The following ARID4B variants were observed in gnomAD, a reference collection of about 807,000 sequenced individuals.
ARID4B encodes AT-rich interactive domain-containing protein 4B.
ARID4B carries 26 observed loss-of-function variants against 147.5 expected under a neutral mutation model. That is an observed-to-expected ratio of 0.18 (90% confidence interval 0.13 to 0.24). The LOEUF is 0.24. Ranked by LOEUF, ARID4B falls within the 10% of genes least tolerant of loss-of-function variation. The probability of loss-of-function intolerance (pLI) is 1.00; values close to 1 mark genes in which losing one functional copy is unlikely to be tolerated. For missense variants in ARID4B, 1,179 were observed against 1,511.5 expected (o/e 0.78, Z 3.65); for synonymous variants, 512 against 507.9 (o/e 1.01, Z -0.11).
chr1:235,196,853 C>CAAAA (rs34581094), intron 17 of ARID4B, among the ~76,000 whole-genome samples: 9 of 88,538 alleles, frequency 1.0e-4, no homozygotes, highest in African/African-American at 2.3e-4. Context: ...CTCTGTTTCA[C>CAAAA]AAAAAAAAAA....
intron 22 of ARID4B, among the ~76,000 whole-genome samples, chr1:235,173,774 ATATATAT>A (rs1663608053): frequency 1.2e-3 from 26 of 21,028 alleles, no homozygotes; most frequent in African/African-American, 2.1e-3. Flanking sequence ...AAAAAAAAAT[ATATATAT>A]ATATATATAT....
rs559405177 is a variant in ARID4B at position 235,220,375 on chromosome 1, C to T, written c.1334G>A (p.Arg445Lys). 42 of 1,608,186 alleles carry T rather than the reference C, an allele frequency of 2.6e-5. No individual in the cohort carries two copies. The African/African-American group carries it at 5.2e-4, about 20-fold the overall frequency. ...CTTTTCTTCTCTTGGTATTATATTCCTCTCCTCCTCCATCTTTATTTCTTT... is the reference window on the plus strand; with the variant it reads ...CTTTTCTTCTCTTGGTATTATATTCTTCTCCTCCTCCATCTTTATTTCTTT... The part of the protein sequence containing the change: ...EIKEIKMEEE[R>K]NIIPREEKPI... The change falls in exon 15 of 24, where the codon AGG (arginine) becomes AAG (lysine). Residue 445 changes from arginine (R) to lysine (K), a missense_variant. Physicochemically the swap from Arg to Lys is conservative, Grantham distance 26. This residue lies in a region of ARID4B where 204 missense variants were observed against 210.9 expected (regional missense o/e 0.97). Coordinates refer to ENST00000264183, the MANE Select transcript of ARID4B (RefSeq NM_016374.6).
chr1:235,192,854 C>A (rs1319972145), intron 19 of ARID4B, among the ~76,000 whole-genome samples: 2 of 152,116 alleles, frequency 1.3e-5, no homozygotes, highest in African/African-American at 4.8e-5. Context: ...GCCTGTAATC[C>A]CAGCACTTTG....
chr1:235,255,220 TAGATAG>T (rs1669880475), intron 5 of ARID4B, among the ~76,000 whole-genome samples: 1 of 62,348 alleles, frequency 1.6e-5, no homozygotes, highest in Non-Finnish European at 4.0e-5. Context: ...TGCTGGGAGC[TAGATAG>T]ATAGATAGAT....
chr1:235,196,868 A>AAG (rs1276399278), intron 17 of ARID4B, among the ~76,000 whole-genome samples: 3 of 151,608 alleles, frequency 2.0e-5, no homozygotes, highest in South Asian at 2.1e-4. Context: ...AAAAAAAAAA[A>AAG]AAAGAAATAA....
At chr1:235,236,862 A>ATATATATATATATATATTTTT (rs1426582533) in intron 8 of ARID4B, among the ~76,000 whole-genome samples, 1 of 17,490 alleles carries the variant, frequency 5.7e-5, no homozygotes, top group Non-Finnish European at 9.4e-5. Flanking sequence ...ATATATATAT[A>ATATATATATATATATATTTTT]TTTTTTTTTT....
chr1:235,197,462 A>G (rs943657542), intron 17 of ARID4B, among the ~76,000 whole-genome samples: 10 of 152,238 alleles, frequency 6.6e-5, no homozygotes, highest in African/African-American at 2.2e-4. Context: ...CTGCTGGTAC[A>G]AACTACTGGC....
Position 235,219,820 on chromosome 1 carries a change from T to A in ARID4B, c.1556A>T (p.Glu519Val). ...AGATTTTGCTTTTTCTTCCTCAGCTTCTACCTTTATGTTGAGGGATTCATC... is the reference window on the plus strand; with the variant it reads ...AGATTTTGCTTTTTCTTCCTCAGCTACTACCTTTATGTTGAGGGATTCATC... ...RVDESLNIKV[E>V]AEEEKAKSGD... is the part of the protein sequence containing the mutation. The change falls in exon 16 of 24, where the codon GAA becomes GTA. Residue 519 changes from glutamate to valine, a missense_variant. Physicochemically the swap from Glu to Val is moderately radical, Grantham distance 121. Around this residue, in one of 10 missense-constraint regions of ARID4B, gnomAD observed 204 missense variants for 210.9 expected, o/e 0.97. Coordinates refer to ENST00000264183, the MANE Select transcript of ARID4B (RefSeq NM_016374.6). The A allele has an allele frequency of 6.2e-7, 1 of 1,600,408 alleles. No homozygotes were observed. The highest frequency in any genetic ancestry group is 8.5e-7 in the Non-Finnish European group (1 of 1,176,900).
At chr1:235,286,396 G>A (rs1671974828) in intron 2 of ARID4B, among the ~76,000 whole-genome samples, 2 of 152,220 alleles carry the variant, frequency 1.3e-5, no homozygotes, top group South Asian at 4.1e-4. Flanking sequence ...CCAGAGACTT[G>A]ATTTAAAACT....
chr1:235,324,902 T>C (rs573274943), intron 2 of ARID4B, among the ~76,000 whole-genome samples: 2 of 152,186 alleles, frequency 1.3e-5, no homozygotes, highest in Non-Finnish European at 2.9e-5. Flanking sequence ...AGTGAGACTC[T>C]ATATCAAAAA....
chr1:235,196,187 G>T (rs1311539426), intron 17 of ARID4B, 72 bp from the exon 18 acceptor site: 8 of 710,808 alleles, frequency 1.1e-5, no homozygotes, highest in Admixed American at 3.1e-5. Flanking sequence ...ATATTAAAGA[G>T]AAACTCATAT....
At chr1:235,182,946 C>CAAAG (rs1308130524) in intron 19 of ARID4B, among the ~76,000 whole-genome samples, 153 bp from the exon 20 acceptor site, 2 of 152,032 alleles carry the variant, frequency 1.3e-5, no homozygotes, top group African/African-American at 4.8e-5. Context: ...AACTGGGTTT[C>CAAAG]AAAGAGGCTA....
intron 2 of ARID4B, among the ~76,000 whole-genome samples, chr1:235,315,137 G>A (rs1674341442): frequency 6.6e-6 from 1 of 152,138 alleles, no homozygotes; most frequent in Admixed American, 6.6e-5. Context: ...CTGTCCCATT[G>A]TCCAGGCCAG....
intron 2 of ARID4B, among the ~76,000 whole-genome samples, chr1:235,303,907 T>A (rs1215350302): frequency 4.8e-5 from 7 of 144,710 alleles, no homozygotes; most frequent in African/African-American, 1.8e-4. Flanking sequence ...AAGTGGTTCA[T>A]CCCTAACTCT....
chr1:235,276,576 T>C (rs955044526), intron 2 of ARID4B, among the ~76,000 whole-genome samples: 3 of 151,836 alleles, frequency 2.0e-5, no homozygotes, highest in Non-Finnish European at 4.4e-5. Context: ...GCAGTAGGAT[T>C]GCTTGAGCCC....
intron 7 of ARID4B, among the ~76,000 whole-genome samples, chr1:235,241,562 G>A (rs184319814): frequency 1.3e-3 from 192 of 152,116 alleles, no homozygotes; most frequent in African/African-American, 4.4e-3. Flanking sequence ...CTCTGTTGCC[G>A]GGCTGGAGTG....
chr1:235,294,489 T>C (rs1232848668), intron 2 of ARID4B, among the ~76,000 whole-genome samples: 3 of 10,050 alleles, frequency 3.0e-4, no homozygotes, highest in Non-Finnish European at 6.2e-4. Context: ...ATTCTCCCGC[T>C]TGAACCCAGG....
chr1:235,291,415 TAATAAATA>T (rs932251120), intron 2 of ARID4B, among the ~76,000 whole-genome samples: 4 of 151,174 alleles, frequency 2.6e-5, no homozygotes, highest in African/African-American at 9.8e-5. Flanking sequence ...CTCAAAAAAA[TAATAAATA>T]AATAAATAAA....
At chr1:235,254,766 C>A (rs2103102155) in intron 5 of ARID4B, among the ~76,000 whole-genome samples, 2 of 151,788 alleles carry the variant, frequency 1.3e-5, no homozygotes, top group African/African-American at 4.8e-5. Context: ...AATAAAAGAG[C>A]CAGCAACTCA....
Sources: gnomAD v4.1 joint callset for allele counts (sites outside exome capture counted in the v4.1 genomes callset) on GRCh38, gnomAD v4.1.1 for gene constraint, gnomAD v4.1.1 regional missense constraint, MANE v1.5 for transcripts, NCBI Gene and HGNC (gene_info 2026-07-23, HGNC 2026-07-21) for gene names.